Variants in HSD17B12 observed in about 807,000 individuals in gnomAD.
The protein encoded by HSD17B12 is very-long-chain 3-oxoacyl-CoA reductase.
A neutral mutation model predicts 39.3 loss-of-function variants in HSD17B12; 32 were observed. That is an observed-to-expected ratio of 0.81 (90% CI 0.61 to 1.09). HSD17B12 has a LOEUF of 1.09. HSD17B12 is among the 50% of genes least tolerant of loss of function. The pLI, the probability that HSD17B12 is intolerant of heterozygous loss-of-function variation, is 0.00. For synonymous variants in HSD17B12, 150 were observed against 146.7 expected, an observed-to-expected ratio of 1.02 and a Z score of -0.16; for missense variants, 342 against 382.9, an observed-to-expected ratio of 0.89 and a Z score of 0.89.
intron 9 of HSD17B12, among the ~76,000 whole-genome samples, chr11:43,840,576 A>C (rs1430600232): frequency 2.7e-5 from 4 of 148,320 alleles, no homozygotes; most frequent in African/African-American, 1.0e-4. Context: ...CAACCTATCT[A>C]TCTCTATGAA....
At chr11:43,562,668 C>G in the HSD17B12 span, among the ~76,000 whole-genome samples, 20 of 152,160 alleles carry the variant, frequency 1.3e-4, no homozygotes, top group African/African-American at 4.6e-4. Flanking sequence ...CTTTTTCTTG[C>G]TTGGGTAGAT....
At chr11:43,710,501 T>C (rs1950055068) in intron 1 of HSD17B12, among the ~76,000 whole-genome samples, 1 of 152,216 alleles carries the variant, frequency 6.6e-6, no homozygotes, top group South Asian at 2.1e-4. Flanking sequence ...CTTTTAGTGA[T>C]AAATTTTGAA....
At chr11:43,719,860 G>A (rs1281041771) in intron 1 of HSD17B12, among the ~76,000 whole-genome samples, 6 of 152,064 alleles carry the variant, frequency 3.9e-5, no homozygotes, top group African/African-American at 1.2e-4. Context: ...ATTTTGAACT[G>A]TTTCTTTCTC....
intron 6 of HSD17B12, among the ~76,000 whole-genome samples, chr11:43,819,050 C>T (rs1951156853): frequency 6.6e-6 from 1 of 152,094 alleles, no homozygotes. Context: ...AAACAATGTA[C>T]ATGTGTTTCA....
At chr11:43,740,247 C>T (rs1213225402) in intron 1 of HSD17B12, among the ~76,000 whole-genome samples, 1 of 152,042 alleles carries the variant, frequency 6.6e-6, no homozygotes, top group African/African-American at 2.4e-5. Flanking sequence ...TCGTACAAGT[C>T]CTTGTGTTTG....
intron 1 of HSD17B12, among the ~76,000 whole-genome samples, chr11:43,697,191 AAAAG>A (rs1379832727): frequency 7.9e-5 from 12 of 152,098 alleles, no homozygotes; most frequent in Admixed American, 6.6e-4. Flanking sequence ...CAAACAAACA[AAAAG>A]AAAGCCATGG....
the HSD17B12 span, among the ~76,000 whole-genome samples, chr11:43,648,598 T>C: frequency 2.2e-3 from 341 of 152,358 alleles, 1 homozygote; most frequent in African/African-American, 7.6e-3. Context: ...ATCCTTGAAT[T>C]CACATAAAAG....
Position 43,810,396 on chromosome 11 carries a change from TATATATAA to T in HSD17B12, c.392-5039_392-5032del, listed in dbSNP as rs1456487668. Reference sequence around the variant, plus strand: ...ATATATATATATATATATATATATATATATATAAAATTCAGAATTATTCCGTGGATTTT... The same window carrying T: ...ATATATATATATATATATATATATATAATTCAGAATTATTCCGTGGATTTT... On this transcript the variant is annotated intron_variant, in intron 4 of 10. Coordinates refer to ENST00000278353, the MANE Select transcript of HSD17B12 (RefSeq NM_016142.3). 9.5e-3 allele frequency among the ~76,000 whole-genome samples: 713 copies of T among 75,046 alleles called. 12 individuals carry two copies. The highest frequency in any genetic ancestry group is 0.03 in the African/African-American group (508 of 16,670). The allele number at this position is 75,046 out of a possible 152,430, so 49.2% of individuals were successfully genotyped here.
chr11:43,696,068 A>G (rs1013036998), intron 1 of HSD17B12, among the ~76,000 whole-genome samples: 1 of 152,128 alleles, frequency 6.6e-6, no homozygotes, highest in African/African-American at 2.4e-5. Flanking sequence ...CATCTATTAT[A>G]GTTCCCACTT....
At chr11:43,570,612 T>C in the HSD17B12 span, among the ~76,000 whole-genome samples, 1 of 152,206 alleles carries the variant, frequency 6.6e-6, no homozygotes, top group Non-Finnish European at 1.5e-5. Flanking sequence ...TTTACCCAAA[T>C]GCTCTTCAGG....
intron 2 of HSD17B12, among the ~76,000 whole-genome samples, chr11:43,752,753 C>T (rs1221234840): frequency 6.6e-6 from 1 of 151,930 alleles, no homozygotes; most frequent in Non-Finnish European, 1.5e-5. Context: ...TGCTATATCT[C>T]CTACATTTAT....
chr11:43,654,115 T>G, the HSD17B12 span, among the ~76,000 whole-genome samples: 1 of 152,070 alleles, frequency 6.6e-6, no homozygotes, highest in East Asian at 1.9e-4. Flanking sequence ...TATCTCATTG[T>G]GGTTTTGATT....
At chr11:43,653,903 T>C in the HSD17B12 span, among the ~76,000 whole-genome samples, 1 of 152,218 alleles carries the variant, frequency 6.6e-6, no homozygotes, top group Non-Finnish European at 1.5e-5. Context: ...TATAATCCTA[T>C]GTACCCAGTA....
chr11:43,670,064 C>A, the HSD17B12 span, among the ~76,000 whole-genome samples: 1 of 152,204 alleles, frequency 6.6e-6, no homozygotes, highest in African/African-American at 2.4e-5. Flanking sequence ...ATAATGGAAG[C>A]TTCAGGAAAT....
At chr11:43,768,377 C>T (rs534969686) in intron 3 of HSD17B12, among the ~76,000 whole-genome samples, 2 of 152,230 alleles carry the variant, frequency 1.3e-5, no homozygotes, top group South Asian at 4.1e-4. Flanking sequence ...TATTTAGAGA[C>T]AGAGTCTCAC....
At chr11:43,688,211 CA>C (rs576898419) in intron 1 of HSD17B12, among the ~76,000 whole-genome samples, 149 of 139,136 alleles carry the variant, frequency 1.1e-3, no homozygotes, top group Middle Eastern at 3.7e-3. Context: ...CACTCTGTCT[CA>C]AAAAAAAAAA....
the HSD17B12 span, among the ~76,000 whole-genome samples, chr11:43,613,868 T>A: frequency 5.9e-5 from 9 of 152,292 alleles, no homozygotes; most frequent in South Asian, 1.7e-3. Context: ...AGTTTCACCA[T>A]GTTGGTCAGG....
chr11:43,571,177 T>C, the HSD17B12 span, among the ~76,000 whole-genome samples: 1 of 152,230 alleles, frequency 6.6e-6, no homozygotes, highest in Non-Finnish European at 1.5e-5. Context: ...CATGAATTTG[T>C]GATTGAGCTA....
the HSD17B12 span, among the ~76,000 whole-genome samples, chr11:43,607,279 AGTGTGTGTGTGTGTGT>A: frequency 2.1e-5 from 3 of 145,390 alleles, no homozygotes; most frequent in South Asian, 2.3e-4. Context: ...TGTGCTCCTG[AGTGTGTGTGTGTGTGT>A]GTGTGTGTGT....
Sources: gnomAD v4.1 joint callset for allele counts (sites outside exome capture counted in the v4.1 genomes callset) on GRCh38, gnomAD v4.1.1 for gene constraint, MANE v1.5 for transcripts, NCBI Gene and HGNC (gene_info 2026-07-23, HGNC 2026-07-21) for gene names.